Variants in RFX4 observed in about 807,000 individuals in gnomAD.
The protein encoded by RFX4 is transcription factor RFX4.
A neutral mutation model predicts 95.0 loss-of-function variants in RFX4; 10 were observed. The observed-to-expected ratio is 0.11, with a 90% confidence interval of 0.06 to 0.18. The LOEUF (loss-of-function observed/expected upper bound fraction) is 0.18, where lower values mean the gene tolerates loss of function less well. Among genes scored for constraint, RFX4 ranks in the 10% least tolerant of loss-of-function variants. RFX4 has a pLI of 1.00. For synonymous variants in RFX4, 321 were observed against 340.7 expected (o/e 0.94, Z 0.64); for missense variants, 640 against 922.0 (o/e 0.69, Z 3.96).
intron 15 of RFX4, among the ~76,000 whole-genome samples, chr12:106,736,486 A>C (rs1315136573): frequency 6.6e-6 from 1 of 152,094 alleles, no homozygotes; most frequent in Non-Finnish European, 1.5e-5. Context: ...TAAGTCTGCA[A>C]CCAGCTGGCA....
intron 4 of RFX4, among the ~76,000 whole-genome samples, chr12:106,666,741 T>C (rs2041184687): frequency 6.6e-6 from 1 of 152,218 alleles, no homozygotes; most frequent in Non-Finnish European, 1.5e-5. Context: ...TTTTGATCTT[T>C]AGCATTTCTT....
chr12:106,673,942 G>A (rs1328545238), intron 4 of RFX4, among the ~76,000 whole-genome samples: 2 of 152,116 alleles, frequency 1.3e-5, no homozygotes, highest in African/African-American at 4.8e-5. Context: ...CAGCAGCCAG[G>A]GTGACCCTTT....
chr12:106,751,003 G>A (rs887575712), intron 17 of RFX4, among the ~76,000 whole-genome samples: 11 of 151,454 alleles, frequency 7.3e-5, no homozygotes, highest in Non-Finnish European at 1.5e-4. Flanking sequence ...AGTTACATAC[G>A]TATACATGTG....
intron 3 of RFX4, among the ~76,000 whole-genome samples, chr12:106,647,322 G>A (rs115271820): frequency 0.019 from 2,918 of 152,250 alleles, 53 homozygotes; most frequent in African/African-American, 0.049. Flanking sequence ...CAGCAGAGTC[G>A]CTGTGGACAA....
At chr12:106,597,476 A>C (rs542983175) in intron 1 of RFX4, among the ~76,000 whole-genome samples, 1 of 152,346 alleles carries the variant, frequency 6.6e-6, no homozygotes, top group East Asian at 1.9e-4. Context: ...ACATTCGCTA[A>C]GACATACAAT....
chr12:106,649,383 A>G (rs2040817684), intron 3 of RFX4, among the ~76,000 whole-genome samples: 1 of 152,226 alleles, frequency 6.6e-6, no homozygotes, highest in Non-Finnish European at 1.5e-5. Context: ...CCATTTGTTC[A>G]TAGAGCTTAT....
chr12:106,606,445 G>A (rs537348973), intron 1 of RFX4, among the ~76,000 whole-genome samples: 2 of 152,310 alleles, frequency 1.3e-5, no homozygotes, highest in Admixed American at 6.5e-5. Context: ...GCCAGGACTT[G>A]AAAGGATGAG....
At chr12:106,694,715 G>T (rs2041846081) in intron 7 of RFX4, among the ~76,000 whole-genome samples, 2 of 152,094 alleles carry the variant, frequency 1.3e-5, no homozygotes, top group African/African-American at 4.8e-5. Context: ...CCTAAGCAAA[G>T]TACCTGGCAT....
At chr12:106,681,582 T>C (rs969221615) in intron 4 of RFX4, among the ~76,000 whole-genome samples, 1 of 152,170 alleles carries the variant, frequency 6.6e-6, no homozygotes, top group Non-Finnish European at 1.5e-5. Context: ...GGCTGGGATC[T>C]GGTGAGTAAA....
chr12:106,594,031 T>C (rs1469154181), intron 1 of RFX4, among the ~76,000 whole-genome samples: 1 of 152,244 alleles, frequency 6.6e-6, no homozygotes, highest in Non-Finnish European at 1.5e-5. Flanking sequence ...TTTGTAAAGT[T>C]ATTTGCCTCC....
At chr12:106,603,944 G>T (rs1262090149) in intron 1 of RFX4, among the ~76,000 whole-genome samples, 1 of 152,056 alleles carries the variant, frequency 6.6e-6, no homozygotes, top group Non-Finnish European at 1.5e-5. Flanking sequence ...TTTATTGTGC[G>T]ACATCTATGG....
intron 2 of RFX4, among the ~76,000 whole-genome samples, chr12:106,611,087 T>G (rs1018819408): frequency 6.6e-6 from 1 of 152,262 alleles, no homozygotes; most frequent in African/African-American, 2.4e-5. Flanking sequence ...TGAACATCTT[T>G]TCATGTGCTT....
Position 106,599,871 on chromosome 12 carries a change from T to C in RFX4, c.44-8926T>C, listed in dbSNP as rs567483330. Among the ~76,000 whole-genome samples the C allele has an allele frequency of 1.1e-4, 17 of 152,182 alleles. No individual in the cohort carries two copies. In the South Asian group the frequency reaches 3.5e-3, roughly 32 times the overall value. On this transcript the variant is annotated intron_variant, in intron 1 of 17. Coordinates refer to ENST00000392842, the MANE Select transcript of RFX4 (RefSeq NM_213594.3). ...TTATTAATAATATTGCTTTTCAATC[T>C]CAAAATGTTCAGGTTTGGATGATAA...
At chr12:106,643,853 C>T (rs2040686475) in intron 3 of RFX4, among the ~76,000 whole-genome samples, 1 of 152,180 alleles carries the variant, frequency 6.6e-6, no homozygotes, top group African/African-American at 2.4e-5. Flanking sequence ...GTCCATTTCT[C>T]CTTGTAGTTC....
In RFX4 at chr12:106,586,640, T is replaced by C. The variant is rs971469564; in HGVS notation, c.43+3277T>C. 2.0e-5 allele frequency among the ~76,000 whole-genome samples: 3 copies of C among 152,186 alleles called. No individual in the cohort carries two copies. Among genetic ancestry groups the C allele is most frequent in the Non-Finnish European group, 4.4e-5 (3 of 68,020 alleles). Reference sequence around the variant, plus strand: ...CCCAGAGCTGAGGCGGCCAAAGTACTTCCTGGAGCCGGATTTGAGTTCCCC... The same window carrying C: ...CCCAGAGCTGAGGCGGCCAAAGTACCTCCTGGAGCCGGATTTGAGTTCCCC... On this transcript the variant is annotated intron_variant, in intron 1 of 17. Transcript: ENST00000392842. The surrounding 1 kb of genome is among the most constrained non-coding windows in gnomAD (Gnocchi z 5.6).
intron 3 of RFX4, among the ~76,000 whole-genome samples, chr12:106,645,260 A>T (rs953656174): frequency 1.3e-5 from 2 of 152,162 alleles, no homozygotes; most frequent in East Asian, 3.9e-4. Flanking sequence ...TCCCGGCCGC[A>T]CAATAACCTC....
At chr12:106,627,260 G>A (rs368012617) in intron 2 of RFX4, among the ~76,000 whole-genome samples, 3 of 152,274 alleles carry the variant, frequency 2.0e-5, no homozygotes, top group East Asian at 1.9e-4. Flanking sequence ...ATTGCGGGCC[G>A]GACACAGTGG....
At chr12:106,663,912 T>G (rs572173658) in intron 4 of RFX4, among the ~76,000 whole-genome samples, 5 of 151,946 alleles carry the variant, frequency 3.3e-5, no homozygotes, top group Non-Finnish European at 7.4e-5. Context: ...CTGGGATAAA[T>G]CCCACTTGGT....
intron 4 of RFX4, among the ~76,000 whole-genome samples, chr12:106,657,386 C>T (rs547401354): frequency 8.5e-4 from 129 of 152,232 alleles, no homozygotes; most frequent in African/African-American, 3.0e-3. Context: ...ACCAGGGTGA[C>T]CTGGTTGGGA....
Sources: allele counts gnomAD v4.1 joint callset (sites outside exome capture counted in the v4.1 genomes callset), GRCh38; gene constraint gnomAD v4.1.1; non-coding constraint Gnocchi (gnomAD v3.1); transcripts MANE v1.5; gene names NCBI Gene and HGNC (gene_info 2026-07-23, HGNC 2026-07-21).